The following SLC7A6 variants were observed in gnomAD, a reference collection of about 807,000 sequenced individuals.
The protein encoded by SLC7A6 is Y+L amino acid transporter 2.
Under a neutral mutation model 46.6 loss-of-function variants are expected in SLC7A6, and 29 were observed. The observed-to-expected ratio is 0.62, with a 90% CI of 0.46 to 0.85. SLC7A6 has a LOEUF of 0.85. Among genes scored for constraint, SLC7A6 ranks in the 40% least tolerant of loss-of-function variants. The pLI, the probability that SLC7A6 is intolerant of heterozygous loss-of-function variation, is 0.00. For synonymous variants in SLC7A6, 276 were observed against 257.3 expected (o/e 1.07, Z -0.70); for missense variants, 527 against 647.6 (o/e 0.81, Z 2.02).
chr16:68,291,725 A>G, intron 7 of SLC7A6, 64 bp downstream of exon 7: 2 of 1,428,914 alleles, frequency 1.4e-6, no homozygotes, highest in East Asian at 2.3e-5. Context: ...CTTAGGCATA[A>G]GAGTTCCTTT....
Position 68,297,529 on chromosome 16 carries a change from A to C in SLC7A6, c.*201A>C. 2 of 161,308 alleles carry C rather than the reference A, an allele frequency of 1.2e-5. No individual in the cohort carries two copies. Among genetic ancestry groups the C allele is most frequent in the Non-Finnish European group, 2.5e-5 (2 of 80,648 alleles). The allele number at this position is 161,308 out of a possible 1,614,324, so 10.0% of individuals were successfully genotyped here. A position where few individuals can be genotyped will look rare whatever the true frequency, so the allele number is the denominator to read the frequency against. ...GCCAACCTCAAGGTGGGGGCTTCAGAGGGTGGGGGGAAGATTGGGGAACGG... is the reference window on the plus strand; with the variant it reads ...GCCAACCTCAAGGTGGGGGCTTCAGCGGGTGGGGGGAAGATTGGGGAACGG... On this transcript the variant is annotated 3_prime_UTR_variant, in exon 11 of 11. Coordinates refer to ENST00000219343, the MANE Select transcript of SLC7A6 (RefSeq NM_003983.6).
rs180892606 is a variant in SLC7A6, at chr16:68,267,083, C to T, written c.-37+362C>T. The stretch of plus-strand genomic sequence containing the variant: ...CCAAGTAGCTGGGATTACAGGCGCC[C>T]GCCACCATGCCCAGCTAATTATTGT... On this transcript the variant is annotated intron_variant, in intron 2 of 10. Coordinates refer to ENST00000219343, the MANE Select transcript of SLC7A6 (RefSeq NM_003983.6). Among the ~76,000 whole-genome samples, 379 of 151,844 alleles carry T rather than the reference C, an allele frequency of 2.5e-3. 3 individuals are homozygous for T. Among genetic ancestry groups the T allele is most frequent in the African/African-American group, 8.7e-3 (360 of 41,406 alleles).
intron 3 of SLC7A6, among the ~76,000 whole-genome samples, chr16:68,276,495 T>C (rs998421867): frequency 6.6e-6 from 1 of 152,152 alleles, no homozygotes; most frequent in Non-Finnish European, 1.5e-5. Flanking sequence ...TAAAGGACTG[T>C]AGAATACCCA....
Position 68,274,858 on chromosome 16 carries a change from G to A in SLC7A6, c.132G>A (p.Glu44=). 6.2e-7 allele frequency: 1 copy of A among 1,614,234 alleles called. No homozygotes were observed. Among genetic ancestry groups the A allele is most frequent in the Non-Finnish European group, 8.5e-7 (1 of 1,180,040 alleles). ...CCGAAACTATGCAGCTGAAGAAGGA[G>A]ATCTCCCTGCTGAATGGGGTCAGCC... The part of the protein sequence containing the change: ...RSSETMQLKK[E]ISLLNGVSLV... The change falls in exon 3 of 11, where the codon GAG becomes GAA. Residue 44 remains glutamate, a synonymous_variant. Coordinates refer to ENST00000219343, the MANE Select transcript of SLC7A6 (RefSeq NM_003983.6).
chr16:68,274,835 G>A lies in SLC7A6; in HGVS notation c.109G>A (p.Glu37Lys), dbSNP rs370281978. 96 of 1,614,042 alleles carry A rather than the reference G, an allele frequency of 5.9e-5. No homozygotes were observed. Among genetic ancestry groups the A allele is most frequent in the Non-Finnish European group, 7.9e-5 (93 of 1,180,038 alleles). ...DVSSPPQRSSETMQLKKEISL... is the reference protein window; with the variant it reads ...DVSSPPQRSSKTMQLKKEISL... Reference sequence around the variant, plus strand: ...CAGCTCGCCACCTCAAAGGTCCTCCGAAACTATGCAGCTGAAGAAGGAGAT... The same window carrying A: ...CAGCTCGCCACCTCAAAGGTCCTCCAAAACTATGCAGCTGAAGAAGGAGAT... The change falls in exon 3 of 11, where the codon GAA (glutamate) becomes AAA (lysine). Residue 37 changes from glutamate (E) to lysine (K), a missense_variant. By Grantham distance (56) the Glu-to-Lys change is moderately conservative. Coordinates refer to ENST00000219343, the MANE Select transcript of SLC7A6 (RefSeq NM_003983.6).
chr16:68,269,178 G>T (rs1432375494), intron 2 of SLC7A6, among the ~76,000 whole-genome samples: 2 of 152,084 alleles, frequency 1.3e-5, no homozygotes, highest in African/African-American at 4.8e-5. Context: ...AACTTTTTCA[G>T]TAGAACCTTA....
intron 5 of SLC7A6, 83 bp downstream of exon 5, chr16:68,290,623 T>TCTTC: frequency 1.3e-6 from 2 of 1,511,394 alleles, no homozygotes; most frequent in South Asian, 2.3e-5. Context: ...ATCCTTCTCC[T>TCTTC]CCTCCCTCCG....
chr16:68,296,761 T>C lies in SLC7A6; in HGVS notation c.1404T>C (p.Gly468=), dbSNP rs760764990. The change falls in exon 10 of 11, where the codon GGT becomes GGC. Residue 468 remains glycine, a synonymous_variant. Transcript: ENST00000219343. The part of the protein sequence containing the change: ...ALSGVPFYFM[G]VYLPESRRPL... The stretch of plus-strand genomic sequence containing the variant: ...CTGGAGTCCCTTTCTACTTCATGGG[T>C]GTTTACCTGCCAGAGTCCCGGAGGC... The C allele has an allele frequency of 6.2e-7, 1 of 1,614,148 alleles. No homozygotes were observed. The highest frequency in any genetic ancestry group is 1.3e-5 in the African/African-American group (1 of 75,020).
rs1241683441 is a variant in SLC7A6, at chr16:68,296,404, T to A, written c.1160T>A (p.Phe387Tyr). 2.5e-6 allele frequency: 4 copies of A among 1,614,072 alleles called. No individual in the cohort carries two copies. The highest frequency in any genetic ancestry group is 3.4e-6 in the Non-Finnish European group (4 of 1,180,016). Residue 387 changes from phenylalanine (F) to tyrosine (Y), a missense_variant, in exon 9 of 11, where the codon TTC becomes TAC. Coordinates refer to ENST00000219343, the MANE Select transcript of SLC7A6 (RefSeq NM_003983.6). ...ATCTACCTCATCGTGGAGGATGTTT[T>A]CCAGCTTATCAACTACTTCAGCTTC... Reference protein sequence around the residue: ...ALIYLIVEDVFQLINYFSFSY... With the variant: ...ALIYLIVEDVYQLINYFSFSY...
At chr16:68,294,005 C>T (rs1470010458) in intron 7 of SLC7A6, among the ~76,000 whole-genome samples, 1 of 152,160 alleles carries the variant, frequency 6.6e-6, no homozygotes, top group Non-Finnish European at 1.5e-5. Context: ...TCAAGTGATT[C>T]TCCTGCCTCA....
At chr16:68,296,074 G>C (rs2043158262) in intron 8 of SLC7A6, among the ~76,000 whole-genome samples, 1 of 152,132 alleles carries the variant, frequency 6.6e-6, no homozygotes. Flanking sequence ...TTGCTGCACT[G>C]AAGTGAGGAG....
chr16:68,287,687 G>T (rs2042965998), intron 3 of SLC7A6, 59 bp from the exon 4 acceptor site: 1 of 1,589,834 alleles, frequency 6.3e-7, no homozygotes, highest in Non-Finnish European at 8.6e-7. Context: ...TGTAAAGAGG[G>T]GTTGGGCCCC....
intron 3 of SLC7A6, chr16:68,287,353 C>G: frequency 2.3e-6 from 3 of 1,291,394 alleles, no homozygotes; most frequent in Non-Finnish European, 3.0e-6. Context: ...AAATTTACCT[C>G]ACTTACTGAT....
At chr16:68,268,021 C>T (rs887231959) in intron 2 of SLC7A6, among the ~76,000 whole-genome samples, 6 of 152,168 alleles carry the variant, frequency 3.9e-5, no homozygotes, top group African/African-American at 1.4e-4. Flanking sequence ...TGACCCTTCC[C>T]CCATATGTGG....
At position 68,298,692 on chromosome 16, in the gene SLC7A6, G is replaced by C. The variant is rs2151236106; in HGVS notation, c.*1364G>C. 1 of 152,428 alleles carries C rather than the reference G, an allele frequency of 6.6e-6. No individual in the cohort carries two copies. Among genetic ancestry groups the C allele is most frequent in the East Asian group, 1.9e-4 (1 of 5,186 alleles). 9.4% of individuals were successfully genotyped at this position (152,428 alleles called of 1,614,324 possible). ...CAACCTGAGTCCGGCTCTTCAGCAGGCTGCACAAGTGGAAGCAACTAATTC... is the reference window on the plus strand; with the variant it reads ...CAACCTGAGTCCGGCTCTTCAGCAGCCTGCACAAGTGGAAGCAACTAATTC... On this transcript the variant is annotated 3_prime_UTR_variant, in exon 11 of 11. Transcript: ENST00000219343.
At chr16:68,275,434 G>GA (rs2042694539) in intron 3 of SLC7A6, among the ~76,000 whole-genome samples, 185 bp downstream of exon 3, 2 of 151,734 alleles carry the variant, frequency 1.3e-5, no homozygotes, top group East Asian at 1.9e-4. Context: ...CGTCTCTACT[G>GA]AAAAAACAAA....
rs190413707 is a variant in SLC7A6, at chr16:68,268,181, C to A, written c.-37+1460C>A. On this transcript the variant is annotated intron_variant, in intron 2 of 10. Transcript: ENST00000219343. ...TTGGGAGCCCCAACTTGAAACAGTT[C>A]GGTCAGAAGTTCAGGAGGCTTGGAT... is the stretch of plus-strand genomic sequence containing the variant. Among the ~76,000 whole-genome samples the A allele has an allele frequency of 7.9e-5, 12 of 152,318 alleles. No homozygotes were observed. In the East Asian group the frequency reaches 1.9e-3, roughly 24 times the overall value.
intron 2 of SLC7A6, among the ~76,000 whole-genome samples, chr16:68,272,752 G>A (rs1002756081): frequency 6.6e-6 from 1 of 152,200 alleles, no homozygotes; most frequent in Non-Finnish European, 1.5e-5. Flanking sequence ...CCCAGCTAGA[G>A]TCTGATGGAA....
intron 2 of SLC7A6, among the ~76,000 whole-genome samples, chr16:68,268,325 G>A (rs917789466): frequency 5.3e-5 from 8 of 152,202 alleles, no homozygotes; most frequent in African/African-American, 1.9e-4. Context: ...CACTCAGCTG[G>A]TGTCCCTGGG....
Sources: gnomAD v4.1 joint callset for allele counts (sites outside exome capture counted in the v4.1 genomes callset) on GRCh38, gnomAD v4.1.1 for gene constraint, MANE v1.5 for transcripts, NCBI Gene and HGNC (gene_info 2026-07-23, HGNC 2026-07-21) for gene names.